Variants in PLEKHA7 observed in about 807,000 individuals in gnomAD.
PLEKHA7 encodes the protein pleckstrin homology domain-containing family A member 7.
Under a neutral mutation model 170.0 loss-of-function variants are expected in PLEKHA7, and 104 were observed. The observed-to-expected ratio is 0.61, with a 90% CI of 0.52 to 0.72. The LOEUF (loss-of-function observed/expected upper bound fraction) is 0.72. PLEKHA7 is among the 30% of genes least tolerant of loss of function. The pLI is 0.00. For missense variants in PLEKHA7, 1,615 were observed against 1,671.7 expected, an observed-to-expected ratio of 0.97 and a Z score of 0.59; for synonymous variants, 648 against 660.8, an observed-to-expected ratio of 0.98 and a Z score of 0.30.
chr11:16,852,487 C>A, intron 6 of PLEKHA7, 132 bp from the exon 7 acceptor site: 1 of 620,128 alleles, frequency 1.6e-6, no homozygotes. Flanking sequence ...TACCATTTTA[C>A]TGAACAGCCA....
chr11:16,947,419 C>T (rs1438110349), intron 3 of PLEKHA7, among the ~76,000 whole-genome samples: 4 of 151,736 alleles, frequency 2.6e-5, no homozygotes, highest in African/African-American at 7.3e-5. Flanking sequence ...GACAAAACTC[C>T]GTCTCTACTA....
chr11:16,811,603 T>C (rs925458312), intron 13 of PLEKHA7, among the ~76,000 whole-genome samples: 1 of 152,208 alleles, frequency 6.6e-6, no homozygotes, highest in African/African-American at 2.4e-5. Context: ...ACAGCTATGC[T>C]TGAGCATTTT....
At chr11:16,825,844 T>A (rs932817488) in intron 10 of PLEKHA7, among the ~76,000 whole-genome samples, 2 of 152,214 alleles carry the variant, frequency 1.3e-5, no homozygotes, top group African/African-American at 4.8e-5. Flanking sequence ...TCTGGTGTAA[T>A]CGCATGGAGG....
At chr11:16,940,391 A>G (rs2136401782) in intron 3 of PLEKHA7, among the ~76,000 whole-genome samples, 1 of 150,326 alleles carries the variant, frequency 6.7e-6, no homozygotes, top group African/African-American at 2.4e-5. Flanking sequence ...AGGTTCAAGC[A>G]ATTCTCCTGC....
At chr11:16,787,722 A>G (rs1849494737) in intron 23 of PLEKHA7, 1 of 152,222 alleles carries the variant, frequency 6.6e-6, no homozygotes, top group African/African-American at 2.4e-5. Flanking sequence ...TTCTTTTTTA[A>G]GAGAAAAATT....
At position 16,779,617 on chromosome 11, in the gene PLEKHA7, G is replaced by A. The variant is rs536567793; in HGVS notation, c.3794-597C>T. ...CACTTCCCTATGGCTCCTCAACCAC[G>A]GGGCCTCTACTCCACACCTCCTCAG... On this transcript the variant is annotated intron_variant, in intron 26 of 26. Transcript: ENST00000531066. 7.9e-5 allele frequency among the ~76,000 whole-genome samples: 12 copies of A among 152,182 alleles called. No individual in the cohort carries two copies. In the East Asian group the frequency reaches 1.7e-3, roughly 22 times the overall value.
At chr11:16,797,340 T>C (rs1048693201) in intron 17 of PLEKHA7, among the ~76,000 whole-genome samples, 3 of 152,142 alleles carry the variant, frequency 2.0e-5, no homozygotes, top group African/African-American at 7.2e-5. Flanking sequence ...CCATCTCCTC[T>C]CGAGGCACCT....
chr11:16,823,759 T>C (rs1267675774), intron 10 of PLEKHA7, among the ~76,000 whole-genome samples: 1 of 152,154 alleles, frequency 6.6e-6, no homozygotes, highest in Non-Finnish European at 1.5e-5. Context: ...TCCTTACCCT[T>C]CCCTATCTCA....
Position 16,789,898 on chromosome 11 carries a change from T to G in PLEKHA7, c.3053-20A>C, listed in dbSNP as rs1324834435. 7 of 1,605,178 alleles carry G rather than the reference T, an allele frequency of 4.4e-6. No homozygotes were observed. The highest frequency in any genetic ancestry group is 6.0e-6 in the Non-Finnish European group (7 of 1,172,104). On this transcript the variant is annotated intron_variant, in intron 21 of 26. Coordinates refer to ENST00000531066, the MANE Select transcript of PLEKHA7 (RefSeq NM_001329630.2). The surrounding 1 kb of genome is among the most constrained non-coding windows in gnomAD (Gnocchi z 4.6). ...AGAGCCCTTAGTGAGGAAAGAGAAG[T>G]GCAAGCATGTTTGTGCTGGGGTGGA... is the stretch of plus-strand genomic sequence containing the variant.
chr11:16,962,002 C>G (rs1024431990), intron 3 of PLEKHA7, among the ~76,000 whole-genome samples: 10 of 152,144 alleles, frequency 6.6e-5, no homozygotes, highest in Admixed American at 5.2e-4. Context: ...AAAGCAGGAG[C>G]CTACGTTGCA....
At chr11:16,909,293 GTCTT>G (rs1414191325) in intron 3 of PLEKHA7, among the ~76,000 whole-genome samples, 2 of 152,170 alleles carry the variant, frequency 1.3e-5, no homozygotes, top group African/African-American at 2.4e-5. Context: ...CAGTTTCTCA[GTCTT>G]TCTATGTTCA....
intron 3 of PLEKHA7, among the ~76,000 whole-genome samples, chr11:16,962,095 A>T (rs1862097924): frequency 6.6e-6 from 1 of 152,154 alleles, no homozygotes; most frequent in Admixed American, 6.5e-5. Flanking sequence ...TTTTTCCTAA[A>T]ACAGTGCCCT....
At chr11:16,976,631 C>G (rs1210428888) in intron 3 of PLEKHA7, among the ~76,000 whole-genome samples, 1 of 152,242 alleles carries the variant, frequency 6.6e-6, no homozygotes, top group Non-Finnish European at 1.5e-5. Context: ...CCCCAGCCCT[C>G]TAGGCAAGAT....
Position 16,778,722 on chromosome 11 carries a change from A to G in PLEKHA7, c.*276T>C, listed in dbSNP as rs1322528418. The stretch of plus-strand genomic sequence containing the variant: ...CTGCCACTCAGCCCTTGAGGGGAAC[A>G]TTAGAAAATAGATTCCGATTCTAAA... On this transcript the variant is annotated 3_prime_UTR_variant, in exon 27 of 27. Coordinates refer to ENST00000531066, the MANE Select transcript of PLEKHA7 (RefSeq NM_001329630.2). 3.9e-6 allele frequency: 2 copies of G among 512,684 alleles called. No homozygotes were observed. Among genetic ancestry groups the G allele is most frequent in the East Asian group, 3.3e-5 (1 of 30,666 alleles). 31.8% of individuals were successfully genotyped at this position (512,684 alleles called of 1,614,324 possible). A position where few individuals can be genotyped will look rare whatever the true frequency, so the allele number is the denominator to read the frequency against.
rs1259064963 is a variant in PLEKHA7, at chr11:16,826,442, C to T, written c.1021G>A (p.Glu341Lys). 14 of 1,614,150 alleles carry T rather than the reference C, an allele frequency of 8.7e-6. No individual in the cohort carries two copies. The highest frequency in any genetic ancestry group is 7.6e-6 in the Non-Finnish European group (9 of 1,180,064). Reference protein sequence around the residue: ...DIVNFERQEQEGEQYRSQRDP... With the variant: ...DIVNFERQEQKGEQYRSQRDP... ...CTCTGGGAACGGTACTGCTCTCCCT[C>T]CTGCTCCTGCCTCTCGAAGTTGACA... is the stretch of plus-strand genomic sequence containing the variant. Residue 341 changes from glutamate (E) to lysine (K), a missense_variant, in exon 10 of 27, where the codon GAG becomes AAG. Coordinates refer to ENST00000531066, the MANE Select transcript of PLEKHA7 (RefSeq NM_001329630.2).
At chr11:16,861,963 A>C (rs1565032557) in intron 4 of PLEKHA7, among the ~76,000 whole-genome samples, 1 of 152,140 alleles carries the variant, frequency 6.6e-6, no homozygotes, top group Non-Finnish European at 1.5e-5. Flanking sequence ...GAAACAAAAG[A>C]AAGCTCTTAT....
At chr11:16,826,911 G>C (rs541248210) in intron 9 of PLEKHA7, among the ~76,000 whole-genome samples, 6 of 152,054 alleles carry the variant, frequency 3.9e-5, no homozygotes, top group African/African-American at 1.4e-4. Context: ...AGTTATTTTC[G>C]GCCAGTGGCC....
rs145565149 is a variant in PLEKHA7, at chr11:16,953,973, T to C, written c.221+60016A>G. On this transcript the variant is annotated intron_variant, in intron 3 of 26. Transcript: ENST00000531066. Reference sequence around the variant, plus strand: ...AGTTGGCTGACTGAACAGAAACTTATATAAAGTTCAGAAACAGACCCCTCA... The same window carrying C: ...AGTTGGCTGACTGAACAGAAACTTACATAAAGTTCAGAAACAGACCCCTCA... Among the ~76,000 whole-genome samples, 513 of 152,272 alleles carry C rather than the reference T, an allele frequency of 3.4e-3. 5 individuals are homozygous for C. The highest frequency in any genetic ancestry group is 0.011 in the African/African-American group (475 of 41,552).
intron 26 of PLEKHA7, chr11:16,781,023 C>A: frequency 1.0e-6 from 1 of 986,264 alleles, no homozygotes; most frequent in Non-Finnish European, 1.2e-6. Context: ...GACAGGGGGC[C>A]TTTAGGCGGG....
Sources: gnomAD v4.1 joint callset for allele counts (sites outside exome capture counted in the v4.1 genomes callset) on GRCh38, gnomAD v4.1.1 for gene constraint, Gnocchi (gnomAD v3.1) non-coding constraint, MANE v1.5 for transcripts, NCBI Gene and HGNC (gene_info 2026-07-23, HGNC 2026-07-21) for gene names.